The following NHERF4 variants were observed in gnomAD, a reference collection of about 807,000 sequenced individuals.
The protein encoded by NHERF4 is NHERF family PDZ scaffold protein 4.
the NHERF4 span, chr11:119,188,926 C>T: frequency 6.2e-7 from 1 of 1,610,972 alleles, no homozygotes. Flanking sequence ...GATCGGTCTT[C>T]CTCTGCTTCC....
At chr11:119,186,068 C>T in the NHERF4 span, 17 of 1,610,306 alleles carry the variant, frequency 1.1e-5, no homozygotes, top group East Asian at 1.6e-4. The surrounding 1 kb of genome is among the most constrained non-coding windows in gnomAD (Gnocchi z 4.4). Context: ...CCAGCTTGTA[C>T]CTGCTTCCCC....
At chr11:119,188,272 G>C in the NHERF4 span, 1 of 1,581,124 alleles carries the variant, frequency 6.3e-7, no homozygotes, top group South Asian at 1.2e-5. Context: ...GCCTCTTCCC[G>C]TTCACTCTGG....
chr11:119,187,168 A>G, the NHERF4 span: 1 of 989,790 alleles, frequency 1.0e-6, no homozygotes, highest in Non-Finnish European at 1.4e-6. Context: ...AGAAAAAGAA[A>G]AAAAGCCGAT....
At chr11:119,185,566 C>T in the NHERF4 span, 2 of 1,538,660 alleles carry the variant, frequency 1.3e-6, no homozygotes, top group Middle Eastern at 1.8e-4. Flanking sequence ...AGGGGGCCGA[C>T]TTGGAGGCTG....
At chr11:119,187,476 C>T in the NHERF4 span, 35 of 1,612,674 alleles carry the variant, frequency 2.2e-5, 1 homozygote, top group South Asian at 1.2e-4. Context: ...CCAGAGGGTG[C>T]GAGGGGGCGG....
the NHERF4 span, chr11:119,189,148 G>A: frequency 6.2e-7 from 1 of 1,613,782 alleles, no homozygotes; most frequent in South Asian, 1.1e-5. The surrounding 1 kb of genome is among the most constrained non-coding windows in gnomAD (Gnocchi z 5.8). Flanking sequence ...TCTGCCTGAA[G>A]CTGGCAGCCA....
the NHERF4 span, chr11:119,188,387 C>T: frequency 6.2e-7 from 1 of 1,613,954 alleles, no homozygotes; most frequent in Non-Finnish European, 8.5e-7. Flanking sequence ...CCCGGGACTG[C>T]CAGCCAAGAA....
chr11:119,185,875 G>A, the NHERF4 span: 65 of 1,612,280 alleles, frequency 4.0e-5, no homozygotes, highest in Non-Finnish European at 5.5e-5. Context: ...AGGCACATCT[G>A]GGGAGAAGAA....
At chr11:119,187,889 T>G in the NHERF4 span, 16 of 1,487,308 alleles carry the variant, frequency 1.1e-5, no homozygotes, top group East Asian at 3.7e-4. Context: ...GGAGCATACC[T>G]CTTCTCTCCC....
At chr11:119,189,175 G>A in the NHERF4 span, 1 of 1,612,082 alleles carries the variant, frequency 6.2e-7, no homozygotes, top group Non-Finnish European at 8.5e-7. This position sits in a 1 kb window ranked among gnomAD's most constrained non-coding sequence, Gnocchi z 5.8. Flanking sequence ...TGCGGGGCTT[G>A]GAAGCCTGGA....
the NHERF4 span, chr11:119,186,335 C>G: frequency 6.4e-7 from 1 of 1,557,912 alleles, no homozygotes; most frequent in East Asian, 2.3e-5. The surrounding 1 kb of genome is among the most constrained non-coding windows in gnomAD (Gnocchi z 4.4). Context: ...GTCCCTCTGC[C>G]CACGAACCCC....
At chr11:119,188,336 G>A in the NHERF4 span, 2 of 1,613,382 alleles carry the variant, frequency 1.2e-6, no homozygotes, top group African/African-American at 2.7e-5. Flanking sequence ...GAGGAGCAGT[G>A]AGGATGTCTA....
At chr11:119,187,771 TC>T in the NHERF4 span, 2 of 1,463,334 alleles carry the variant, frequency 1.4e-6, no homozygotes, top group Non-Finnish European at 1.8e-6. Context: ...GACGCCTCCT[TC>T]CCCATGCGCC....
chr11:119,185,489 C>A, the NHERF4 span: 1 of 1,614,038 alleles, frequency 6.2e-7, no homozygotes, highest in Non-Finnish European at 8.5e-7. Context: ...GGTTGCTGAT[C>A]CAGCTATGGA....
chr11:119,188,693 C>T, the NHERF4 span: 1 of 1,614,172 alleles, frequency 6.2e-7, no homozygotes, highest in Non-Finnish European at 8.5e-7. Context: ...CCGCCTCGCC[C>T]CGGGGCAGCA....
chr11:119,185,806 G>C, the NHERF4 span: 7 of 1,348,406 alleles, frequency 5.2e-6, no homozygotes, highest in African/African-American at 1.4e-5. Context: ...GCAGAAAGGA[G>C]GGGGCATGCC....
chr11:119,189,689 G>T, the NHERF4 span: 2 of 623,496 alleles, frequency 3.2e-6, no homozygotes, highest in Non-Finnish European at 5.8e-6. The surrounding 1 kb of genome is among the most constrained non-coding windows in gnomAD (Gnocchi z 5.8). Context: ...GCCTCAGACA[G>T]GTCCCTGAAG....
chr11:119,189,191 C>T, the NHERF4 span: 2 of 1,609,430 alleles, frequency 1.2e-6, no homozygotes, highest in Non-Finnish European at 1.7e-6. This position sits in a 1 kb window ranked among gnomAD's most constrained non-coding sequence, Gnocchi z 5.8. Flanking sequence ...CTGGATTCCC[C>T]CTGGGGCTGC....
chr11:119,187,293 C>T, the NHERF4 span: 2 of 1,607,854 alleles, frequency 1.2e-6, no homozygotes, highest in South Asian at 1.1e-5. Flanking sequence ...TCCGGGCCAG[C>T]AGCCCTCGGG....
Sources: gnomAD v4.1 joint callset for allele counts on GRCh38, gnomAD v4.1.1 for gene constraint, Gnocchi (gnomAD v3.1) non-coding constraint, MANE v1.5 for transcripts, NCBI Gene and HGNC (gene_info 2026-07-23, HGNC 2026-07-21) for gene names.